ZNF385B: variants seen among roughly 807,000 people sequenced by gnomAD.
The protein encoded by ZNF385B is zinc finger protein 533.
ZNF385B carries 23 observed loss-of-function variants against 39.2 expected under a neutral mutation model. The observed-to-expected ratio is 0.59, with a 90% CI of 0.42 to 0.83. The LOEUF (loss-of-function observed/expected upper bound fraction) is 0.83, where lower values mean the gene tolerates loss of function less well. Among genes scored for constraint, ZNF385B ranks in the 40% least tolerant of loss-of-function variants. ZNF385B has a pLI of 0.00. For synonymous variants in ZNF385B, 205 were observed against 222.6 expected, an observed-to-expected ratio of 0.92 and a Z score of 0.70; for missense variants, 552 against 598.9, an observed-to-expected ratio of 0.92 and a Z score of 0.82.
At chr2:179,787,021 T>A (rs1705046796) in intron 1 of ZNF385B, among the ~76,000 whole-genome samples, 1 of 152,162 alleles carries the variant, frequency 6.6e-6, no homozygotes, top group South Asian at 2.1e-4. Context: ...TTCACACACG[T>A]ATTAACCATG....
chr2:179,775,733 G>C (rs991463409), intron 1 of ZNF385B, among the ~76,000 whole-genome samples: 3 of 152,116 alleles, frequency 2.0e-5, no homozygotes, highest in Non-Finnish European at 4.4e-5. Context: ...GCATCTTAGA[G>C]GATCTTCGTA....
At chr2:179,536,225 T>C (rs1314096524) in intron 4 of ZNF385B, 1 of 152,174 alleles carries the variant, frequency 6.6e-6, no homozygotes, top group African/African-American at 2.4e-5. Context: ...TTTTTTTAAT[T>C]ATCTGTAGAT....
intron 3 of ZNF385B, among the ~76,000 whole-genome samples, chr2:179,612,953 A>G (rs1291456805): frequency 6.6e-6 from 1 of 152,192 alleles, no homozygotes; most frequent in East Asian, 1.9e-4. Context: ...CACAAGAAAA[A>G]AATCTTTCCC....
At chr2:179,610,276 T>C (rs1040494552) in intron 3 of ZNF385B, among the ~76,000 whole-genome samples, 1 of 152,220 alleles carries the variant, frequency 6.6e-6, no homozygotes, top group Admixed American at 6.5e-5. Flanking sequence ...TGCATATGTA[T>C]ATTCAATTTT....
intron 3 of ZNF385B, among the ~76,000 whole-genome samples, chr2:179,588,872 A>G (rs1342899196): frequency 1.3e-5 from 2 of 152,160 alleles, no homozygotes; most frequent in Non-Finnish European, 2.9e-5. Context: ...CTATACACAG[A>G]AGGCAAATGT....
In ZNF385B at chr2:179,547,817, A is replaced by T. The variant is rs186077549; in HGVS notation, c.299-2848T>A. On this transcript the variant is annotated intron_variant, in intron 3 of 9. Coordinates refer to ENST00000410066, the MANE Select transcript of ZNF385B (RefSeq NM_152520.6). ...CTGTAGATTGCTTTGGGTAGTATGG[A>T]CATTTTAACAATATTGATTCTTCCA... Among the ~76,000 whole-genome samples, 94 of 149,524 alleles carry T rather than the reference A, an allele frequency of 6.3e-4. 5 individuals are homozygous for T. Among genetic ancestry groups the T allele is most frequent in the African/African-American group, 2.2e-3 (87 of 39,774 alleles).
At chr2:179,794,453 G>A (rs996733921) in intron 1 of ZNF385B, among the ~76,000 whole-genome samples, 1 of 151,944 alleles carries the variant, frequency 6.6e-6, no homozygotes, top group Non-Finnish European at 1.5e-5. Flanking sequence ...CCATGGAAAG[G>A]TTCAATGAGC....
intron 1 of ZNF385B, among the ~76,000 whole-genome samples, chr2:179,854,346 T>C (rs1684412084): frequency 1.3e-5 from 2 of 152,180 alleles, no homozygotes; most frequent in South Asian, 4.1e-4. Flanking sequence ...TTCTAATTTA[T>C]CAGTGAGGAT....
At chr2:179,632,289 A>G (rs1691300682) in intron 3 of ZNF385B, among the ~76,000 whole-genome samples, 1 of 152,238 alleles carries the variant, frequency 6.6e-6, no homozygotes, top group South Asian at 2.1e-4. Context: ...AAAAATGACC[A>G]CATAATCGGA....
intron 3 of ZNF385B, among the ~76,000 whole-genome samples, chr2:179,600,167 G>A (rs1688302107): frequency 6.6e-6 from 1 of 152,102 alleles, no homozygotes; most frequent in African/African-American, 2.4e-5. Flanking sequence ...CAGATTTAAT[G>A]GTCTGGCTTA....
chr2:179,567,594 T>C (rs1184209751), intron 3 of ZNF385B, among the ~76,000 whole-genome samples: 4 of 152,186 alleles, frequency 2.6e-5, no homozygotes, highest in Non-Finnish European at 5.9e-5. Context: ...CATTCACTAA[T>C]GTATCCTAAG....
intron 3 of ZNF385B, among the ~76,000 whole-genome samples, chr2:179,749,799 C>T (rs1702570681): frequency 6.6e-6 from 1 of 152,120 alleles, no homozygotes; most frequent in Admixed American, 6.6e-5. Flanking sequence ...TTGTCTAAGA[C>T]TCAGTTTCCA....
At chr2:179,792,686 T>C (rs1264444815) in intron 1 of ZNF385B, among the ~76,000 whole-genome samples, 1 of 152,186 alleles carries the variant, frequency 6.6e-6, no homozygotes, top group Non-Finnish European at 1.5e-5. Flanking sequence ...ATTTCCTTTT[T>C]ACATAAGAGA....
intron 1 of ZNF385B, among the ~76,000 whole-genome samples, chr2:179,791,667 A>G (rs1472660930): frequency 6.6e-6 from 1 of 152,254 alleles, no homozygotes; most frequent in Non-Finnish European, 1.5e-5. Flanking sequence ...TGCCATGGCA[A>G]GCCATTGGAA....
intron 4 of ZNF385B, among the ~76,000 whole-genome samples, chr2:179,520,202 T>C (rs908930092): frequency 1.3e-5 from 2 of 151,930 alleles, no homozygotes; most frequent in African/African-American, 4.8e-5. Context: ...GGGAGTTTTC[T>C]GGAGAGATAG....
At chr2:179,653,750 T>C (rs1257898082) in intron 3 of ZNF385B, among the ~76,000 whole-genome samples, 1 of 152,030 alleles carries the variant, frequency 6.6e-6, no homozygotes, top group Admixed American at 6.6e-5. Context: ...CTGAGACAGT[T>C]GTAAAGGAGA....
intron 1 of ZNF385B, among the ~76,000 whole-genome samples, chr2:179,773,550 T>C (rs1317639881): frequency 6.6e-6 from 1 of 152,228 alleles, no homozygotes; most frequent in Non-Finnish European, 1.5e-5. Context: ...GGCATTGTGT[T>C]CACAAAGTTA....
intron 1 of ZNF385B, among the ~76,000 whole-genome samples, chr2:179,774,180 A>G (rs1177555066): frequency 6.6e-6 from 1 of 150,524 alleles, no homozygotes; most frequent in Non-Finnish European, 1.5e-5. Context: ...TGGGGTATGT[A>G]GTATATGTAG....
intron 3 of ZNF385B, among the ~76,000 whole-genome samples, chr2:179,712,028 G>A (rs73973704): frequency 0.052 from 7,921 of 151,768 alleles, 569 homozygotes; most frequent in African/African-American, 0.16. Flanking sequence ...CTCAAACATG[G>A]TGCCATCCCT....
Sources: gnomAD v4.1 joint callset for allele counts (sites outside exome capture counted in the v4.1 genomes callset) on GRCh38, gnomAD v4.1.1 for gene constraint, MANE v1.5 for transcripts, NCBI Gene and HGNC (gene_info 2026-07-23, HGNC 2026-07-21) for gene names.